PPP2R5C: variants seen among roughly 807,000 people sequenced by gnomAD.
The protein encoded by PPP2R5C is protein phosphatase 2 regulatory subunit B'gamma.
PPP2R5C carries 7 observed loss-of-function variants against 68.9 expected under a neutral mutation model. That is an observed-to-expected ratio of 0.10 (90% confidence interval 0.06 to 0.19). The LOEUF (loss-of-function observed/expected upper bound fraction) is 0.19, where lower values mean the gene tolerates loss of function less well. PPP2R5C is among the 10% of genes least tolerant of loss of function. The probability of loss-of-function intolerance (pLI) is 1.00; values close to 1 mark genes in which losing one functional copy is unlikely to be tolerated. For synonymous variants in PPP2R5C, 210 were observed against 222.2 expected (o/e 0.95, Z 0.49); for missense variants, 348 against 641.3 (o/e 0.54, Z 4.94).
rs2047231286 is a variant in PPP2R5C, at chr14:101,925,189, G to A, written c.1492G>A (p.Glu498Lys). 1.2e-6 allele frequency: 2 copies of A among 1,614,122 alleles called. No homozygotes were observed. The highest frequency in any genetic ancestry group is 1.6e-4 in the Middle Eastern group (1 of 6,062). ...CCGTCCTCTTGCACGCCGCAAGTCC[G>A]AGCTGCCTCAGGACCCCCACACCAA... Residue 498 changes from glutamate to lysine, a missense_variant, in exon 14 of 14, where the codon GAG (glutamate) becomes AAG (lysine). By Grantham distance (56) the Glu-to-Lys change is moderately conservative (BLOSUM62 1). This residue lies in a region of PPP2R5C where 118 missense variants were observed against 108.9 expected (regional missense o/e 1.08). Coordinates refer to ENST00000334743, the Ensembl canonical transcript of PPP2R5C.
chr14:101,804,951 A>G (rs2039016343), upstream of PPP2R5C, among the ~76,000 whole-genome samples: 2 of 152,248 alleles, frequency 1.3e-5, no homozygotes, highest in African/African-American at 4.8e-5. Flanking sequence ...TTCACATTGG[A>G]TGCCTGTATC....
intron 2 of PPP2R5C, chr14:101,765,051 G>A (rs1277157195): frequency 1.5e-6 from 1 of 647,890 alleles, no homozygotes; most frequent in Non-Finnish European, 2.8e-6. Context: ...ACTACTATGT[G>A]AAATGTGTGT....
chr14:101,797,403 A>G lies in PPP2R5C; in HGVS notation c.259+11220A>G. 2.4e-6 allele frequency: 1 copy of G among 421,236 alleles called. No individual in the cohort carries two copies. The highest frequency in any genetic ancestry group is 4.9e-6 in the Non-Finnish European group (1 of 205,632). The allele number at this position is 421,236 out of a possible 1,614,324, so 26.1% of individuals were successfully genotyped here. On this transcript the variant is annotated intron_variant, in intron 3 of 14. Coordinates refer to the PPP2R5C transcript ENST00000328724. This position sits in a 1 kb window ranked among gnomAD's most constrained non-coding sequence, Gnocchi z 4.2. Reference sequence around the variant, plus strand: ...GCGTGCTTGTCTGCCTGTGTCATCCATTCGAGCATCTGCCAAGGACCCAGG... The same window carrying G: ...GCGTGCTTGTCTGCCTGTGTCATCCGTTCGAGCATCTGCCAAGGACCCAGG...
intron 1 of PPP2R5C, among the ~76,000 whole-genome samples, chr14:101,852,812 T>A (rs534116720): frequency 1.3e-5 from 2 of 152,312 alleles, no homozygotes; most frequent in Admixed American, 1.3e-4. Context: ...TCTGTCATTT[T>A]GGATGCCCTG....
At chr14:101,855,150 A>G (rs2042349400) in intron 1 of PPP2R5C, among the ~76,000 whole-genome samples, 1 of 152,248 alleles carries the variant, frequency 6.6e-6, no homozygotes, top group Non-Finnish European at 1.5e-5. Context: ...AGCCTGGGCA[A>G]CAGAGTGAGA....
At chr14:101,780,052 C>T (rs1434007027) in intron 2 of PPP2R5C, among the ~76,000 whole-genome samples, 1 of 152,214 alleles carries the variant, frequency 6.6e-6, no homozygotes, top group African/African-American at 2.4e-5. Flanking sequence ...CCTCCATATG[C>T]ATGGCCCTCT....
At chr14:101,876,845 C>T (rs566005867) in intron 2 of PPP2R5C, among the ~76,000 whole-genome samples, 3 of 150,760 alleles carry the variant, frequency 2.0e-5, no homozygotes, top group African/African-American at 7.4e-5. Flanking sequence ...GCTAACTGTT[C>T]GTGCATAATG....
At chr14:101,878,585 C>T (rs1227456979) in intron 2 of PPP2R5C, among the ~76,000 whole-genome samples, 1 of 152,212 alleles carries the variant, frequency 6.6e-6, no homozygotes, top group Non-Finnish European at 1.5e-5. Context: ...AGATTGAGAT[C>T]TCAAGGACTT....
chr14:101,895,606 A>G (rs142426682), intron 8 of PPP2R5C, among the ~76,000 whole-genome samples: 16 of 152,314 alleles, frequency 1.1e-4, no homozygotes, highest in Non-Finnish European at 1.6e-4. Context: ...ACTCAGCGTA[A>G]TGTCTTCCAG....
chr14:101,805,263 G>A (rs1266246328), upstream of PPP2R5C, among the ~76,000 whole-genome samples: 2 of 151,900 alleles, frequency 1.3e-5, no homozygotes, highest in South Asian at 2.1e-4. Flanking sequence ...ATGGGGTTTC[G>A]CCATGTTGGC....
chr14:101,791,354 G>A (rs1243263849), intron 3 of PPP2R5C, among the ~76,000 whole-genome samples: 2 of 152,230 alleles, frequency 1.3e-5, no homozygotes, highest in Non-Finnish European at 2.9e-5. Context: ...TTGATGAGAT[G>A]TCTTTTTTTA....
At chr14:101,878,894 G>A (rs924794884) in intron 2 of PPP2R5C, among the ~76,000 whole-genome samples, 6 of 152,326 alleles carry the variant, frequency 3.9e-5, no homozygotes, top group Admixed American at 6.5e-5. Context: ...TGACACATAC[G>A]GCCAGCTGGC....
chr14:101,850,021 G>A (rs2042059189), intron 1 of PPP2R5C, among the ~76,000 whole-genome samples: 1 of 152,244 alleles, frequency 6.6e-6, no homozygotes, highest in South Asian at 2.1e-4. Flanking sequence ...CCACAGAAGT[G>A]TGTGTTGGAA....
At chr14:101,821,894 A>G (rs2140274996) in intron 1 of PPP2R5C, among the ~76,000 whole-genome samples, 1 of 152,166 alleles carries the variant, frequency 6.6e-6, no homozygotes, top group East Asian at 1.9e-4. Context: ...CTGATTTTAG[A>G]ACAGAGGTCA....
chr14:101,769,201 G>A (rs1201669096), intron 2 of PPP2R5C, among the ~76,000 whole-genome samples: 3 of 152,210 alleles, frequency 2.0e-5, no homozygotes, highest in Non-Finnish European at 2.9e-5. Flanking sequence ...ATCTTGGACT[G>A]TGTGTCTTCC....
chr14:101,784,770 G>A (rs1180911549), intron 2 of PPP2R5C, among the ~76,000 whole-genome samples: 1 of 152,206 alleles, frequency 6.6e-6, no homozygotes, highest in Non-Finnish European at 1.5e-5. Context: ...AGAAGGGTGG[G>A]CAACGAGCAC....
At position 101,880,523 on chromosome 14, in the gene PPP2R5C, C is replaced by T. The variant is rs746796296; in HGVS notation, c.295-1638C>T. Among the ~76,000 whole-genome samples the T allele has an allele frequency of 1.6e-4, 24 of 152,308 alleles. No individual in the cohort carries two copies. In the Middle Eastern group the frequency reaches 0.014, roughly 86 times the overall value. ...AAAGAAGGGAAGAAACAGGCAGGTG[C>T]GGTGGCTCACGCCTCTAATTCCAGT... is the stretch of plus-strand genomic sequence containing the variant. On this transcript the variant is annotated intron_variant, in intron 2 of 13. Coordinates refer to ENST00000334743, the Ensembl canonical transcript of PPP2R5C.
At chr14:101,845,795 G>C (rs2041790457) in intron 1 of PPP2R5C, among the ~76,000 whole-genome samples, 1 of 152,208 alleles carries the variant, frequency 6.6e-6, no homozygotes, top group Non-Finnish European at 1.5e-5. Flanking sequence ...CTCCAGGAAA[G>C]ATAATGTAAC....
chr14:101,833,133 CTT>C (rs1468368135), intron 1 of PPP2R5C, among the ~76,000 whole-genome samples: 1 of 152,232 alleles, frequency 6.6e-6, no homozygotes, highest in African/African-American at 2.4e-5. Flanking sequence ...AGGAGGAAAA[CTT>C]TGACTTGGTC....
Sources: gnomAD v4.1 joint callset for allele counts (sites outside exome capture counted in the v4.1 genomes callset) on GRCh38, gnomAD v4.1.1 for gene constraint, gnomAD v4.1.1 regional missense constraint, Gnocchi (gnomAD v3.1) non-coding constraint, MANE v1.5 for transcripts, NCBI Gene and HGNC (gene_info 2026-07-23, HGNC 2026-07-21) for gene names.